Variants in PRKAG2 observed in about 807,000 individuals in gnomAD.
PRKAG2 encodes the protein protein kinase AMP-activated non-catalytic subunit gamma 2, also known as 5'-AMP-activated protein kinase subunit gamma-2.
A neutral mutation model predicts 69.6 loss-of-function variants in PRKAG2; 26 were observed. The observed-to-expected ratio is 0.37, with a 90% CI of 0.27 to 0.52. The LOEUF (loss-of-function observed/expected upper bound fraction) is 0.52. Ranked by LOEUF, PRKAG2 falls within the 20% of genes least tolerant of loss-of-function variation. The pLI is 0.90. For synonymous variants in PRKAG2, 293 were observed against 285.0 expected (o/e 1.03, Z -0.28); for missense variants, 557 against 740.0 (o/e 0.75, Z 2.87).
intron 3 of PRKAG2, among the ~76,000 whole-genome samples, chr7:151,711,505 C>T (rs1039751404): frequency 2.6e-5 from 4 of 152,118 alleles, no homozygotes; most frequent in African/African-American, 9.7e-5. Context: ...ATCACAGTAC[C>T]AGTGATGACT....
chr7:151,613,805 A>AT lies in PRKAG2; in HGVS notation c.754+18263dup, dbSNP rs372668253. ...ACTGTGCCCGGCAGCAGTCCCAAGC[A>AT]TTTTTTTTTTTTTTTTGAGATGGAG... On this transcript the variant is annotated intron_variant, in intron 5 of 15. Coordinates refer to ENST00000287878, the MANE Select transcript of PRKAG2 (RefSeq NM_016203.4). 5.8e-3 allele frequency among the ~76,000 whole-genome samples: 662 copies of AT among 114,698 alleles called. 1 individual carries two copies. The highest frequency in any genetic ancestry group is 0.019 in the Middle Eastern group (3 of 162). 75.2% of individuals were successfully genotyped at this position (114,698 alleles called of 152,430 possible).
chr7:151,628,061 A>T (rs1460316019), intron 5 of PRKAG2, among the ~76,000 whole-genome samples: 3 of 152,184 alleles, frequency 2.0e-5, no homozygotes, highest in African/African-American at 4.8e-5. Context: ...AAGAGGAGAG[A>T]CAGTCAGTCT....
Position 151,632,222 on chromosome 7 carries a change from G to T in PRKAG2, c.685-84C>A. ...CGGGCTCGCGGCCGGCCGAGCGCTG[G>T]GGCCTGGCTCTGCCGCGCCGCCGGG... On this transcript the variant is annotated intron_variant, in intron 4 of 15. Transcript: ENST00000287878. This position sits in a 1 kb window ranked among gnomAD's most constrained non-coding sequence, Gnocchi z 4.2. The T allele has an allele frequency of 2.7e-6, 3 of 1,119,060 alleles. No homozygotes were observed. Among genetic ancestry groups the T allele is most frequent in the Non-Finnish European group, 3.3e-6 (3 of 916,386 alleles). The allele number at this position is 1,119,060 out of a possible 1,614,324, so 69.3% of individuals were successfully genotyped here. A position where few individuals can be genotyped will look rare whatever the true frequency, so the allele number is the denominator to read the frequency against.
intron 2 of PRKAG2, 102 bp downstream of exon 2, chr7:151,786,368 T>G (rs1586528340): frequency 8.7e-7 from 1 of 1,151,694 alleles, no homozygotes; most frequent in Non-Finnish European, 1.3e-6. Context: ...GACATGCGGG[T>G]GGGCGTGAGG....
intron 3 of PRKAG2, among the ~76,000 whole-genome samples, chr7:151,732,831 T>G (rs980780741): frequency 6.6e-6 from 1 of 152,140 alleles, no homozygotes; most frequent in Non-Finnish European, 1.5e-5. Flanking sequence ...CAGCTGGGAT[T>G]ACAGGCACCT....
At chr7:151,665,701 G>C (rs1029734445) in intron 4 of PRKAG2, among the ~76,000 whole-genome samples, 1 of 152,126 alleles carries the variant, frequency 6.6e-6, no homozygotes, top group Non-Finnish European at 1.5e-5. Context: ...ACAGACTATA[G>C]AGCTGCTAGT....
At chr7:151,691,263 T>C (rs927407003) in intron 3 of PRKAG2, among the ~76,000 whole-genome samples, 1 of 152,232 alleles carries the variant, frequency 6.6e-6, no homozygotes, top group Non-Finnish European at 1.5e-5. Context: ...GTAATTATTA[T>C]GCTGTGTTGG....
At chr7:151,875,565 GTGTGTGTGTGTGTGTGT>G (rs2080371608) in intron 1 of PRKAG2, among the ~76,000 whole-genome samples, 3 of 41,444 alleles carry the variant, frequency 7.2e-5, no homozygotes, top group African/African-American at 2.0e-4. Flanking sequence ...GCACTCTGGT[GTGTGTGTGTGTGTGTGT>G]GTGTGTGTGT....
In PRKAG2 at chr7:151,773,052, AGGGAGG is replaced by A. The variant is rs1425845018; in HGVS notation, c.466+8094_466+8099del. ...GAGAGAGAGAGAGAGAGAGAGAGAG[AGGGAGG>A]GAGGGAGGGAGGGAGGGAGGGAGGG... On this transcript the variant is annotated intron_variant, in intron 3 of 15. Coordinates refer to ENST00000287878, the MANE Select transcript of PRKAG2 (RefSeq NM_016203.4). 1.3e-3 allele frequency among the ~76,000 whole-genome samples: 34 copies of A among 25,740 alleles called. 2 individuals carry two copies. The highest frequency in any genetic ancestry group is 6.2e-3 in the East Asian group (3 of 484). 16.9% of individuals were successfully genotyped at this position (25,740 alleles called of 152,430 possible).
At chr7:151,578,072 G>A (rs1809415730) in intron 6 of PRKAG2, among the ~76,000 whole-genome samples, 1 of 151,354 alleles carries the variant, frequency 6.6e-6, no homozygotes, top group African/African-American at 2.4e-5. Flanking sequence ...TGGGCACAGT[G>A]GCCCACGCCT....
intron 1 of PRKAG2, among the ~76,000 whole-genome samples, chr7:151,832,415 A>G (rs1209249751): frequency 2.6e-5 from 4 of 152,114 alleles, no homozygotes. Flanking sequence ...GTGCCTTCCC[A>G]GGCAGCCAGC....
At chr7:151,672,849 G>A (rs1186257172) in intron 4 of PRKAG2, among the ~76,000 whole-genome samples, 1 of 152,066 alleles carries the variant, frequency 6.6e-6, no homozygotes, top group South Asian at 2.1e-4. Context: ...CACAGGGCAC[G>A]TGCTCTGGGT....
intron 5 of PRKAG2, among the ~76,000 whole-genome samples, chr7:151,624,441 C>T (rs930810573): frequency 8.5e-5 from 13 of 152,182 alleles, no homozygotes; most frequent in Non-Finnish European, 1.2e-4. Flanking sequence ...TGAGCCACAG[C>T]ACCCGGCCGT....
At position 151,557,143 on chromosome 7, in the gene PRKAG2, A is replaced by C; in HGVS notation, c.*58T>G. 6.2e-7 allele frequency: 1 copy of C among 1,613,794 alleles called. No homozygotes were observed. The highest frequency in any genetic ancestry group is 8.5e-7 in the Non-Finnish European group (1 of 1,179,720). On this transcript the variant is annotated 3_prime_UTR_variant, in exon 16 of 16. Coordinates refer to ENST00000287878, the MANE Select transcript of PRKAG2 (RefSeq NM_016203.4). ...CTTGCAGCCAGTGTTCATGAGGCAA[A>C]ACGTGACCCAGAGACTTTGTTCAAG...
At chr7:151,682,968 C>T (rs1269514815) in intron 3 of PRKAG2, among the ~76,000 whole-genome samples, 1 of 152,232 alleles carries the variant, frequency 6.6e-6, no homozygotes, top group Non-Finnish European at 1.5e-5. Flanking sequence ...AAGGCTCTGG[C>T]CAAAGGACAG....
Position 151,876,917 on chromosome 7 carries a change from A to C in PRKAG2, c.-297T>G. On this transcript the variant is annotated 5_prime_UTR_variant, in exon 1 of 16. Transcript: ENST00000287878. ...TGGCTGAGGTCTCCCGCTGGGTGAC[A>C]AAGTTTTCTTCCTTTTGCAAAGCTA... 1 of 502,584 alleles carries C rather than the reference A, an allele frequency of 2.0e-6. No individual in the cohort carries two copies. Among genetic ancestry groups the C allele is most frequent in the Middle Eastern group, 5.6e-4 (1 of 1,800 alleles). 31.1% of individuals were successfully genotyped at this position (502,584 alleles called of 1,614,324 possible). A position where few individuals can be genotyped will look rare whatever the true frequency, so the allele number is the denominator to read the frequency against.
intron 1 of PRKAG2, among the ~76,000 whole-genome samples, chr7:151,857,129 GAAA>G (rs34768438): frequency 5.6e-4 from 69 of 122,712 alleles, no homozygotes; most frequent in Middle Eastern, 4.4e-3. Flanking sequence ...ATCATTGCTG[GAAA>G]AAAAAAAAAA....
At chr7:151,800,022 G>A (rs182214205) in intron 1 of PRKAG2, among the ~76,000 whole-genome samples, 2 of 152,108 alleles carry the variant, frequency 1.3e-5, no homozygotes, top group Non-Finnish European at 2.9e-5. Context: ...AGTGAGGCAG[G>A]CCTGGATCTA....
intron 3 of PRKAG2, among the ~76,000 whole-genome samples, chr7:151,761,480 A>G (rs1278314682): frequency 6.6e-6 from 1 of 152,002 alleles, no homozygotes; most frequent in African/African-American, 2.4e-5. Flanking sequence ...CTGACTCACC[A>G]CCCAACCAGT....
Sources: allele counts gnomAD v4.1 joint callset (sites outside exome capture counted in the v4.1 genomes callset), GRCh38; gene constraint gnomAD v4.1.1; non-coding constraint Gnocchi (gnomAD v3.1); transcripts MANE v1.5; gene names NCBI Gene and HGNC (gene_info 2026-07-23, HGNC 2026-07-21).